Variants in AKAP10 observed in about 807,000 individuals in gnomAD.
AKAP10 encodes A-kinase anchor protein 10, mitochondrial.
Under a neutral mutation model 80.8 loss-of-function variants are expected in AKAP10, and 24 were observed. The observed-to-expected ratio is 0.30, with a 90% CI of 0.22 to 0.42. The LOEUF (loss-of-function observed/expected upper bound fraction) is 0.42, where lower values mean the gene tolerates loss of function less well. Ranked by LOEUF, AKAP10 falls within the 10% of genes least tolerant of loss-of-function variation. The pLI, the probability that AKAP10 is intolerant of heterozygous loss-of-function variation, is 1.00. For synonymous variants in AKAP10, 291 were observed against 277.7 expected (o/e 1.05, Z -0.48); for missense variants, 661 against 794.9 (o/e 0.83, Z 2.03).
At chr17:19,974,974 C>G in intron 1 of AKAP10, among the ~76,000 whole-genome samples, 1 of 152,158 alleles carries the variant, frequency 6.6e-6, no homozygotes, top group South Asian at 2.1e-4. Context: ...CTAGAATGAT[C>G]TTTTTAAGAT....
At chr17:19,970,378 G>A (rs1213833399) in intron 1 of AKAP10, among the ~76,000 whole-genome samples, 9 of 152,152 alleles carry the variant, frequency 5.9e-5, no homozygotes, top group African/African-American at 2.2e-4. Flanking sequence ...GATCTCCTAT[G>A]TTATACTTCT....
chr17:19,944,481 T>G (rs769321572), intron 5 of AKAP10, among the ~76,000 whole-genome samples: 1 of 151,926 alleles, frequency 6.6e-6, no homozygotes, highest in African/African-American at 2.4e-5. Context: ...GAAACCCCGT[T>G]TCTACTAAAA....
intron 4 of AKAP10, among the ~76,000 whole-genome samples, chr17:19,950,730 C>A (rs892517558): frequency 6.6e-6 from 1 of 152,164 alleles, no homozygotes; most frequent in Non-Finnish European, 1.5e-5. Flanking sequence ...CCGGCCGCCA[C>A]CCCGTCCGGG....
intron 4 of AKAP10, among the ~76,000 whole-genome samples, chr17:19,950,355 T>A (rs1261638981): frequency 6.6e-6 from 1 of 152,244 alleles, no homozygotes; most frequent in East Asian, 1.9e-4. Flanking sequence ...ACCAAAGTTG[T>A]GAAAGCCGAG....
intron 2 of AKAP10, among the ~76,000 whole-genome samples, chr17:19,964,834 A>C (rs2043397034): frequency 6.6e-6 from 1 of 152,238 alleles, no homozygotes; most frequent in Non-Finnish European, 1.5e-5. Context: ...CAGAGGTTGC[A>C]GTGAGCTGCG....
At chr17:19,951,897 T>C (rs1331050913) in intron 4 of AKAP10, among the ~76,000 whole-genome samples, 1 of 57,748 alleles carries the variant, frequency 1.7e-5, no homozygotes, top group Non-Finnish European at 3.7e-5. Context: ...CAACAAATAC[T>C]AAAAAAAAAT....
At position 19,906,242 on chromosome 17, in the gene AKAP10, G is replaced by A. The variant is rs747967068; in HGVS notation, c.1984-10C>T. 4.2e-5 allele frequency: 67 copies of A among 1,599,836 alleles called. No homozygotes were observed. Among genetic ancestry groups the A allele is most frequent in the African/African-American group, 1.1e-4 (8 of 74,626 alleles). ...AAGTTTTGAGTCATAACTGAAAAAAGAAAAGAAAAGAAAATGGTAAGGTGC... is the reference window on the plus strand; with the variant it reads ...AAGTTTTGAGTCATAACTGAAAAAAAAAAAGAAAAGAAAATGGTAAGGTGC... On this transcript the variant is annotated splice_polypyrimidine_tract_variant and intron_variant, in intron 14 of 14. Transcript: ENST00000225737.
chr17:19,964,205 C>T (rs896746503), intron 2 of AKAP10, among the ~76,000 whole-genome samples: 1 of 152,208 alleles, frequency 6.6e-6, no homozygotes, highest in Non-Finnish European at 1.5e-5. Flanking sequence ...GTGAGACTCT[C>T]GCATTGTTTC....
intron 11 of AKAP10, among the ~76,000 whole-genome samples, chr17:19,920,680 TA>T (rs2042800305): frequency 6.6e-6 from 1 of 151,750 alleles, no homozygotes; most frequent in Admixed American, 6.6e-5. Flanking sequence ...CTGTCTCTAC[TA>T]AAAATACAAA....
intron 3 of AKAP10, among the ~76,000 whole-genome samples, chr17:19,962,295 T>TACACACAC (rs36115670): frequency 8.0e-6 from 1 of 125,054 alleles, no homozygotes. Context: ...TACATACATA[T>TACACACAC]ACACACACAC....
chr17:19,936,542 CT>C, intron 8 of AKAP10, 112 bp from the exon 9 acceptor site: 1 of 1,057,138 alleles, frequency 9.5e-7, no homozygotes, highest in Non-Finnish European at 1.3e-6. Context: ...GCCTGCAGGC[CT>C]AGAACTATAG....
chr17:19,908,336 T>G (rs2042653521), intron 14 of AKAP10, among the ~76,000 whole-genome samples: 1 of 152,286 alleles, frequency 6.6e-6, no homozygotes, highest in East Asian at 1.9e-4. Flanking sequence ...TTATCTTCAG[T>G]AGTAAGGCAT....
intron 7 of AKAP10, among the ~76,000 whole-genome samples, chr17:19,940,461 T>C (rs959443835): frequency 1.3e-5 from 2 of 152,216 alleles, no homozygotes; most frequent in African/African-American, 2.4e-5. Context: ...AATATACTCA[T>C]TGTCTGTTGC....
intron 2 of AKAP10, among the ~76,000 whole-genome samples, chr17:19,964,681 G>A (rs993946578): frequency 3.3e-5 from 5 of 152,048 alleles, no homozygotes; most frequent in East Asian, 1.9e-4. Flanking sequence ...CACGAGGCCA[G>A]GAGTTCGAGA....
intron 10 of AKAP10, among the ~76,000 whole-genome samples, chr17:19,926,082 G>C (rs1009441811): frequency 2.0e-5 from 3 of 152,096 alleles, no homozygotes; most frequent in Admixed American, 2.0e-4. Context: ...CAAAATACCA[G>C]TAAATGGAAT....
At chr17:19,956,483 G>A (rs1344170146) in intron 4 of AKAP10, among the ~76,000 whole-genome samples, 1 of 152,136 alleles carries the variant, frequency 6.6e-6, no homozygotes, top group East Asian at 1.9e-4. Context: ...TAAAAGATGG[G>A]ATCAAAAGTG....
intron 10 of AKAP10, among the ~76,000 whole-genome samples, chr17:19,926,843 G>C (rs576299222): frequency 1.3e-5 from 2 of 152,138 alleles, no homozygotes; most frequent in African/African-American, 4.8e-5. Context: ...TATTTTGGCC[G>C]GGTGCAGTGG....
At chr17:19,957,267 C>A (rs375929756) in intron 4 of AKAP10, among the ~76,000 whole-genome samples, 3 of 151,094 alleles carry the variant, frequency 2.0e-5, no homozygotes, top group African/African-American at 7.3e-5. Flanking sequence ...TCAGTCCGGG[C>A]GCGGTGGCTC....
chr17:19,920,884 A>AG (rs2042804952), intron 11 of AKAP10, among the ~76,000 whole-genome samples: 1 of 140,630 alleles, frequency 7.1e-6, no homozygotes, highest in Admixed American at 7.3e-5. Context: ...AAAAAAAAAA[A>AG]AGCAAAAAAT....
Sources: allele counts gnomAD v4.1 joint callset (sites outside exome capture counted in the v4.1 genomes callset), GRCh38; gene constraint gnomAD v4.1.1; transcripts MANE v1.5; gene names NCBI Gene and HGNC (gene_info 2026-07-23, HGNC 2026-07-21).